Variants in MAMDC2 observed in about 807,000 individuals in gnomAD.
MAMDC2 encodes the protein MAM domain containing 2.
A neutral mutation model predicts 89.8 loss-of-function variants in MAMDC2; 57 were observed. The observed-to-expected ratio is 0.63, with a 90% confidence interval of 0.51 to 0.79. The LOEUF is 0.79. Ranked by LOEUF, MAMDC2 falls within the 30% of genes least tolerant of loss-of-function variation. The pLI is 0.00. For synonymous variants in MAMDC2, 313 were observed against 293.4 expected (o/e 1.07, Z -0.68); for missense variants, 800 against 820.6 (o/e 0.97, Z 0.31).
rs536635701 is a variant in MAMDC2 at position 70,067,859 on chromosome 9, G to A, written c.148+23162G>A. Among the ~76,000 whole-genome samples the A allele has an allele frequency of 1.3e-3, 201 of 152,298 alleles. 1 individual carries two copies. The highest frequency in any genetic ancestry group is 2.3e-3 in the Non-Finnish European group (155 of 68,038). On this transcript the variant is annotated intron_variant, in intron 2 of 13. Coordinates refer to ENST00000377182, the MANE Select transcript of MAMDC2 (RefSeq NM_153267.5). Reference sequence around the variant, plus strand: ...TGCCATGACAAAAACTCCTCATTGAGTCACTAGATCAGAGAAGCAGACCTC... The same window carrying A: ...TGCCATGACAAAAACTCCTCATTGAATCACTAGATCAGAGAAGCAGACCTC...
At chr9:70,195,431 A>G (rs2032957960) in intron 11 of MAMDC2, among the ~76,000 whole-genome samples, 1 of 152,126 alleles carries the variant, frequency 6.6e-6, no homozygotes, top group African/African-American at 2.4e-5. Context: ...TTTCTGACAT[A>G]GATGCTACTT....
In MAMDC2 at chr9:70,080,745, A is replaced by T. The variant is rs117468404; in HGVS notation, c.149-27466A>T. Among the ~76,000 whole-genome samples the T allele has an allele frequency of 4.5e-3, 691 of 152,324 alleles. 6 individuals carry two copies. The highest frequency in any genetic ancestry group is 0.037 in the Middle Eastern group (11 of 294). ...ACGTCTTGTGGCCAAGTGCAAACTG[A>T]ACATCGAGGAATGGAAAATATTGCA... On this transcript the variant is annotated intron_variant, in intron 2 of 13. Transcript: ENST00000377182.
chr9:70,141,208 G>T (rs2031207127), intron 8 of MAMDC2, among the ~76,000 whole-genome samples: 1 of 152,120 alleles, frequency 6.6e-6, no homozygotes, highest in Admixed American at 6.6e-5. Flanking sequence ...AGAAATAAAG[G>T]CCCTACCAAA....
chr9:70,186,348 TGA>T (rs2032754641), intron 11 of MAMDC2, among the ~76,000 whole-genome samples: 1 of 22,628 alleles, frequency 4.4e-5, no homozygotes, highest in South Asian at 2.9e-3. Context: ...TGTCTGCTGC[TGA>T]TTCTTTCAGT....
In MAMDC2 at chr9:70,163,776, A is replaced by C. The variant is rs540583646; in HGVS notation, c.1405-4926A>C. On this transcript the variant is annotated intron_variant, in intron 9 of 13. Coordinates refer to ENST00000377182, the MANE Select transcript of MAMDC2 (RefSeq NM_153267.5). ...CGAGACCAGCCTGGGCAACAAGGTGAAACCCTGTCTCTACAAAAAATACAA... is the reference window on the plus strand; with the variant it reads ...CGAGACCAGCCTGGGCAACAAGGTGCAACCCTGTCTCTACAAAAAATACAA... 2.3e-4 allele frequency among the ~76,000 whole-genome samples: 35 copies of C among 151,768 alleles called. No homozygotes were observed. The South Asian group carries it at 7.3e-3, about 32-fold the overall frequency.
chr9:70,096,369 C>A (rs1251467662), intron 2 of MAMDC2, among the ~76,000 whole-genome samples: 2 of 152,206 alleles, frequency 1.3e-5, no homozygotes, highest in Non-Finnish European at 2.9e-5. Flanking sequence ...AAGATGAATT[C>A]TTCACCCTAG....
In MAMDC2 at chr9:70,126,163, C is replaced by CTACATG; in HGVS notation, c.652_657dup (p.Met218_Tyr219dup). The CTACATG allele has an allele frequency of 6.2e-7, 1 of 1,611,670 alleles. No homozygotes were observed. ...CTCTGTCTGTGTGATTTTCAGGCCA[C>CTACATG]TACATGTACGTGGACTCAGTTTATG... On this transcript the variant is annotated inframe_insertion, in exon 6 of 14. Coordinates refer to ENST00000377182, the MANE Select transcript of MAMDC2 (RefSeq NM_153267.5).
At chr9:70,068,420 C>T (rs1827317458) in intron 2 of MAMDC2, among the ~76,000 whole-genome samples, 3 of 151,902 alleles carry the variant, frequency 2.0e-5, no homozygotes, top group Non-Finnish European at 2.9e-5. Flanking sequence ...CTTCAAAAGA[C>T]TAAAAGCCAA....
chr9:70,116,697 GA>G (rs34849432), intron 5 of MAMDC2, among the ~76,000 whole-genome samples: 32,463 of 112,692 alleles, frequency 0.29, 3,775 homozygotes, highest in East Asian at 0.41. Context: ...TTTGGCATTA[GA>G]AAAAAAAAAA....
chr9:70,115,965 ATTGT>A (rs1412177400), intron 5 of MAMDC2, among the ~76,000 whole-genome samples: 1 of 152,218 alleles, frequency 6.6e-6, no homozygotes, highest in Non-Finnish European at 1.5e-5. Context: ...TAGTTTTGCG[ATTGT>A]TTTTCTGTCA....
intron 2 of MAMDC2, among the ~76,000 whole-genome samples, chr9:70,096,950 G>A (rs567680091): frequency 4.3e-4 from 65 of 152,174 alleles, no homozygotes; most frequent in Non-Finnish European, 7.9e-4. Flanking sequence ...CAACCTTCCT[G>A]TAGAAATTCC....
chr9:70,108,829 GTGTT>G (rs1322540054), intron 3 of MAMDC2, among the ~76,000 whole-genome samples: 10 of 152,176 alleles, frequency 6.6e-5, no homozygotes, highest in African/African-American at 9.7e-5. Context: ...TGTGTGCTAT[GTGTT>G]TGTTTATCTT....
Position 70,165,784 on chromosome 9 carries a change from G to A in MAMDC2, c.1405-2918G>A, listed in dbSNP as rs1039987585. On this transcript the variant is annotated intron_variant, in intron 9 of 13. Coordinates refer to ENST00000377182, the MANE Select transcript of MAMDC2 (RefSeq NM_153267.5). Reference sequence around the variant, plus strand: ...CTGCATGTGGCCACTGAGCATCTTCGAATGTGGCTCGTGTGACTGAATACA... The same window carrying A: ...CTGCATGTGGCCACTGAGCATCTTCAAATGTGGCTCGTGTGACTGAATACA... 1.5e-4 allele frequency among the ~76,000 whole-genome samples: 23 copies of A among 152,262 alleles called. 1 individual carries two copies. The East Asian group carries it at 1.5e-3, about 10-fold the overall frequency.
intron 2 of MAMDC2, among the ~76,000 whole-genome samples, chr9:70,100,514 C>T (rs1467658057): frequency 6.6e-6 from 1 of 152,208 alleles, no homozygotes; most frequent in Non-Finnish European, 1.5e-5. Flanking sequence ...GTGTCCTTGT[C>T]TTAGATATGC....
intron 11 of MAMDC2, among the ~76,000 whole-genome samples, chr9:70,182,548 A>T (rs1478476637): frequency 6.6e-6 from 1 of 152,158 alleles, no homozygotes. Flanking sequence ...TTATTGGTCT[A>T]TTCAGGGATT....
At chr9:70,212,852 A>T (rs946818317) in intron 11 of MAMDC2, among the ~76,000 whole-genome samples, 1 of 152,184 alleles carries the variant, frequency 6.6e-6, no homozygotes, top group African/African-American at 2.4e-5. Flanking sequence ...GGGCACATGA[A>T]CTGAAAGCAT....
intron 9 of MAMDC2, among the ~76,000 whole-genome samples, chr9:70,163,908 C>T (rs2032075391): frequency 7.1e-6 from 1 of 141,446 alleles, no homozygotes; most frequent in African/African-American, 2.6e-5. Flanking sequence ...GAGCCAAGAT[C>T]ACACCACTGT....
chr9:70,181,166 G>C (rs2032637923), intron 11 of MAMDC2, among the ~76,000 whole-genome samples: 1 of 152,138 alleles, frequency 6.6e-6, no homozygotes, highest in Non-Finnish European at 1.5e-5. Flanking sequence ...GGTTGCAGAT[G>C]TGTGGTGTTA....
intron 7 of MAMDC2, among the ~76,000 whole-genome samples, chr9:70,133,175 G>C (rs2030871108): frequency 6.6e-6 from 1 of 152,150 alleles, no homozygotes; most frequent in African/African-American, 2.4e-5. Flanking sequence ...CAGTGACGCT[G>C]AAATTTATAT....
Sources: allele counts gnomAD v4.1 joint callset (sites outside exome capture counted in the v4.1 genomes callset), GRCh38; gene constraint gnomAD v4.1.1; transcripts MANE v1.5; gene names NCBI Gene and HGNC (gene_info 2026-07-23, HGNC 2026-07-21).